Variants in CLSTN2 observed in about 807,000 individuals in gnomAD.
CLSTN2 encodes calsyntenin-2.
A neutral mutation model predicts 101.2 loss-of-function variants in CLSTN2; 48 were observed. That is an observed-to-expected ratio of 0.47 (90% CI 0.38 to 0.60). The LOEUF is 0.60. Among genes scored for constraint, CLSTN2 ranks in the 20% least tolerant of loss-of-function variants. The pLI is 0.00. For synonymous variants in CLSTN2, 481 were observed against 463.6 expected, an observed-to-expected ratio of 1.04 and a Z score of -0.48; for missense variants, 1,160 against 1,238.2, an observed-to-expected ratio of 0.94 and a Z score of 0.95.
intron 1 of CLSTN2, among the ~76,000 whole-genome samples, chr3:140,125,055 G>A (rs1455978894): frequency 6.6e-6 from 1 of 152,110 alleles, no homozygotes; most frequent in Non-Finnish European, 1.5e-5. Context: ...ACTAACCACT[G>A]GATTTAGTAG....
intron 1 of CLSTN2, among the ~76,000 whole-genome samples, chr3:140,152,283 A>C (rs1309127269): frequency 6.6e-6 from 1 of 151,598 alleles, no homozygotes; most frequent in East Asian, 1.9e-4. Context: ...ATTCTTTCTC[A>C]GATGGACCAG....
At chr3:140,436,881 G>A (rs913942980) in intron 5 of CLSTN2, among the ~76,000 whole-genome samples, 1 of 152,134 alleles carries the variant, frequency 6.6e-6, no homozygotes, top group African/African-American at 2.4e-5. Flanking sequence ...TTAGTAACAA[G>A]GCTCTGCTGG....
intron 9 of CLSTN2, among the ~76,000 whole-genome samples, chr3:140,534,085 CTATT>C (rs1429438939): frequency 1.3e-5 from 2 of 152,082 alleles, no homozygotes; most frequent in African/African-American, 2.4e-5. Flanking sequence ...GTTCATGAAA[CTATT>C]TAGTATAGCA....
intron 2 of CLSTN2, among the ~76,000 whole-genome samples, chr3:140,187,953 C>A (rs979511083): frequency 6.6e-6 from 1 of 152,118 alleles, no homozygotes; most frequent in African/African-American, 2.4e-5. Context: ...CAGCACTGAT[C>A]AAAGGAATCC....
chr3:140,308,847 A>G (rs1015846310), intron 2 of CLSTN2, among the ~76,000 whole-genome samples: 1 of 152,180 alleles, frequency 6.6e-6, no homozygotes, highest in Admixed American at 6.5e-5. Context: ...ATCCTCCCCC[A>G]TTCTGCTGCC....
chr3:140,105,677 G>A lies in CLSTN2; in HGVS notation c.110-70274G>A, dbSNP rs149761734. Among the ~76,000 whole-genome samples, 878 of 152,306 alleles carry A rather than the reference G, an allele frequency of 5.8e-3. 9 individuals are homozygous for A. The highest frequency in any genetic ancestry group is 0.02 in the African/African-American group (834 of 41,564). ...GGCAGGGTGGGATGCTGTTTCATCA[G>A]ACCCCCGGCACCATGGGCCCCAGCT... On this transcript the variant is annotated intron_variant, in intron 1 of 16. Transcript: ENST00000458420.
At chr3:140,422,830 T>G (rs1196063057) in intron 5 of CLSTN2, among the ~76,000 whole-genome samples, 1 of 152,216 alleles carries the variant, frequency 6.6e-6, no homozygotes, top group East Asian at 1.9e-4. Flanking sequence ...CTTGGTGCAG[T>G]GTCTAGTGCC....
intron 1 of CLSTN2, among the ~76,000 whole-genome samples, chr3:140,115,164 T>C (rs1384171489): frequency 6.6e-6 from 1 of 152,216 alleles, no homozygotes; most frequent in African/African-American, 2.4e-5. Context: ...CTAAATCACA[T>C]ACTGTGAGCA....
At chr3:140,276,029 T>A (rs4234485) in intron 2 of CLSTN2, among the ~76,000 whole-genome samples, 5 of 152,128 alleles carry the variant, frequency 3.3e-5, no homozygotes, top group Admixed American at 6.5e-5. Context: ...AGGGAAGTCC[T>A]GCTGCCTGGG....
At chr3:140,420,428 A>G (rs377250817) in intron 4 of CLSTN2, among the ~76,000 whole-genome samples, 18 of 152,352 alleles carry the variant, frequency 1.2e-4, no homozygotes, top group African/African-American at 4.3e-4. Context: ...TTCAGCAAAA[A>G]TAATGAATTA....
chr3:140,073,085 A>G (rs2008422090), intron 1 of CLSTN2, among the ~76,000 whole-genome samples: 1 of 152,164 alleles, frequency 6.6e-6, no homozygotes. Context: ...TGGCACTGGA[A>G]CTTTGGGCTG....
chr3:140,088,822 T>C (rs931162791), intron 1 of CLSTN2, among the ~76,000 whole-genome samples: 2 of 152,344 alleles, frequency 1.3e-5, no homozygotes, highest in Admixed American at 6.5e-5. Context: ...GGCAAAACCT[T>C]GAAACAGAAT....
chr3:140,561,998 G>A lies in CLSTN2; in HGVS notation c.2042-140G>A, dbSNP rs1221035933. On this transcript the variant is annotated intron_variant, in intron 12 of 16. Transcript: ENST00000458420. ...ATGCCTGGACATCTGAGCGGTGGAT[G>A]TGGTATTTGGGATCACACAGACTCT... The A allele has an allele frequency of 1.1e-5, 7 of 640,780 alleles. No homozygotes were observed. The African/African-American group carries it at 1.3e-4, about 12-fold the overall frequency. The allele number at this position is 640,780 out of a possible 1,614,324, so 39.7% of individuals were successfully genotyped here.
At chr3:140,520,331 A>G (rs2107773033) in intron 8 of CLSTN2, among the ~76,000 whole-genome samples, 1 of 152,338 alleles carries the variant, frequency 6.6e-6, no homozygotes, top group Admixed American at 6.5e-5. Flanking sequence ...TAAAGGAAAG[A>G]GATTTAATTG....
intron 5 of CLSTN2, among the ~76,000 whole-genome samples, chr3:140,432,793 G>A (rs773346279): frequency 1.2e-4 from 18 of 152,184 alleles, no homozygotes; most frequent in Non-Finnish European, 2.4e-4. Flanking sequence ...TCAGCCCTGA[G>A]GGGAAGAGGG....
intron 8 of CLSTN2, among the ~76,000 whole-genome samples, chr3:140,474,901 G>A (rs549877732): frequency 1.1e-4 from 16 of 152,290 alleles, no homozygotes; most frequent in Admixed American, 9.8e-4. Context: ...CTGGAAGTTA[G>A]GAGCAATTCT....
chr3:140,125,704 A>G (rs1469732929), intron 1 of CLSTN2, among the ~76,000 whole-genome samples: 1 of 152,176 alleles, frequency 6.6e-6, no homozygotes, highest in Non-Finnish European at 1.5e-5. Flanking sequence ...GGGTTCAGCC[A>G]TATAGATTGA....
intron 1 of CLSTN2, among the ~76,000 whole-genome samples, chr3:139,996,230 T>TC (rs2006655644): frequency 6.6e-6 from 1 of 152,044 alleles, no homozygotes; most frequent in Non-Finnish European, 1.5e-5. Context: ...TTCTGGGACT[T>TC]TTTTTTCACA....
intron 2 of CLSTN2, among the ~76,000 whole-genome samples, chr3:140,184,072 G>C (rs1383955006): frequency 6.6e-6 from 1 of 152,168 alleles, no homozygotes; most frequent in Non-Finnish European, 1.5e-5. Flanking sequence ...GCTTGTTTAT[G>C]TCTCCACCGG....
Sources: gnomAD v4.1 joint callset for allele counts (sites outside exome capture counted in the v4.1 genomes callset) on GRCh38, gnomAD v4.1.1 for gene constraint, MANE v1.5 for transcripts, NCBI Gene and HGNC (gene_info 2026-07-23, HGNC 2026-07-21) for gene names.